The following LMF1 variants were observed in gnomAD, a reference collection of about 807,000 sequenced individuals.
LMF1 encodes lipase maturation factor 1.
Under a neutral mutation model 60.6 loss-of-function variants are expected in LMF1, and 68 were observed. The ratio of observed to expected loss-of-function variants is 1.12; its 90% CI spans 0.92 to 1.37. The LOEUF (loss-of-function observed/expected upper bound fraction) is 1.37. Ranked by LOEUF, LMF1 falls within the 40% of genes most tolerant of loss-of-function variation. The pLI, the probability that LMF1 is intolerant of heterozygous loss-of-function variation, is 0.00. For synonymous variants in LMF1, 418 were observed against 324.7 expected (o/e 1.29, Z -3.09); for missense variants, 948 against 767.2 (o/e 1.24, Z -2.78).
intron 10 of LMF1, chr16:855,063 G>C (rs1466204863): frequency 2.7e-6 from 1 of 366,356 alleles, no homozygotes; most frequent in East Asian, 5.9e-5. Flanking sequence ...CCCAGTTTGA[G>C]CCCCAAGTGT....
At chr16:964,663 A>G (rs1222418463) in intron 1 of LMF1, among the ~76,000 whole-genome samples, 3 of 152,236 alleles carry the variant, frequency 2.0e-5, no homozygotes, top group Non-Finnish European at 4.4e-5. Flanking sequence ...AAACCAACTG[A>G]GCAGGGTTTC....
At chr16:890,202 C>T (rs117955225) in intron 5 of LMF1, among the ~76,000 whole-genome samples, 2,293 of 152,296 alleles carry the variant, frequency 0.015, 51 homozygotes, top group East Asian at 0.1. Context: ...AGAGCCGTGT[C>T]ACGGCGGTCC....
intron 10 of LMF1, among the ~76,000 whole-genome samples, chr16:861,657 C>T (rs1441110540): frequency 1.3e-5 from 2 of 152,088 alleles, no homozygotes; most frequent in Non-Finnish European, 2.9e-5. Context: ...CGCCCGGCCT[C>T]GCTTCATAAT....
chr16:870,154 C>A (rs1405689056), intron 8 of LMF1, 88 bp from the exon 9 acceptor site: 1 of 1,422,858 alleles, frequency 7.0e-7, no homozygotes, highest in Non-Finnish European at 9.5e-7. Context: ...CCCCGACTGT[C>A]CATCCTGGCC....
chr16:875,455 T>G (rs1226209122), intron 6 of LMF1, among the ~76,000 whole-genome samples: 1 of 152,152 alleles, frequency 6.6e-6, no homozygotes, highest in African/African-American at 2.4e-5. Flanking sequence ...CACCTCCCCA[T>G]TCCATGTCAC....
Position 893,081 on chromosome 16 carries a change from A to T in LMF1, c.664-9T>A. On this transcript the variant is annotated splice_polypyrimidine_tract_variant and intron_variant, in intron 4 of 10. Transcript: ENST00000262301. ...CGGATCTTGATCAGGCCCTGCAAGG[A>T]AGAGAGCAGAGGGAGAGTCAGTCAC... The T allele has an allele frequency of 6.4e-7, 1 of 1,553,082 alleles. No homozygotes were observed. Among genetic ancestry groups the T allele is most frequent in the South Asian group, 1.2e-5 (1 of 84,150 alleles).
At chr16:903,741 T>C (rs79443215) in intron 4 of LMF1, 65 of 87,830 alleles carry the variant, frequency 7.4e-4, no homozygotes, top group African/African-American at 1.8e-3. Context: ...GTGGTGACCT[T>C]TGCACTGCCC....
intron 4 of LMF1, among the ~76,000 whole-genome samples, chr16:895,146 C>T (rs745931491): frequency 2.6e-5 from 4 of 152,148 alleles, no homozygotes; most frequent in African/African-American, 4.8e-5. Context: ...CTCCAGACGG[C>T]GGGGGGTGCG....
intron 6 of LMF1, chr16:872,605 G>C (rs1172916200): frequency 2.0e-5 from 3 of 152,380 alleles, no homozygotes; most frequent in African/African-American, 7.2e-5. Flanking sequence ...CCTCCGTCCT[G>C]AGTGTGACCA....
At chr16:912,700 C>A (rs972882232) in intron 3 of LMF1, among the ~76,000 whole-genome samples, 6 of 152,216 alleles carry the variant, frequency 3.9e-5, no homozygotes, top group South Asian at 2.1e-4. Flanking sequence ...ATCTTCCCCA[C>A]GGAAGCCAGA....
At chr16:949,400 GAGTCAGCCAACAAC>G (rs1405965723) in intron 2 of LMF1, among the ~76,000 whole-genome samples, 2 of 150,168 alleles carry the variant, frequency 1.3e-5, no homozygotes, top group Non-Finnish European at 3.0e-5. Flanking sequence ...GACAACGACA[GAGTCAGCCAACAAC>G]AGTCAGCCAA....
chr16:963,752 A>G (rs2072864930), intron 1 of LMF1, among the ~76,000 whole-genome samples: 1 of 152,162 alleles, frequency 6.6e-6, no homozygotes, highest in Non-Finnish European at 1.5e-5. Flanking sequence ...GGCCTCACCA[A>G]AGCAATAGCC....
At chr16:978,725 T>A (rs1354996796) in intron 1 of LMF1, among the ~76,000 whole-genome samples, 1 of 151,986 alleles carries the variant, frequency 6.6e-6, no homozygotes, top group African/African-American at 2.4e-5. Context: ...AGGCCCCAGC[T>A]GAAGGGGTGG....
At chr16:949,122 C>CAG (rs2072353890) in intron 2 of LMF1, among the ~76,000 whole-genome samples, 1 of 150,662 alleles carries the variant, frequency 6.6e-6, no homozygotes, top group Non-Finnish European at 1.5e-5. Flanking sequence ...ATGACAGAGT[C>CAG]AGCCAACGAC....
At chr16:928,112 G>T (rs1208541720) in intron 3 of LMF1, among the ~76,000 whole-genome samples, 1 of 152,210 alleles carries the variant, frequency 6.6e-6, no homozygotes, top group Non-Finnish European at 1.5e-5. Context: ...ACCCAACGCT[G>T]GGACAGCCTG....
At chr16:971,372 T>C (rs547689888), upstream of LMF1, among the ~76,000 whole-genome samples, 80 of 152,362 alleles carry the variant, frequency 5.3e-4, no homozygotes, top group Non-Finnish European at 1.0e-3. Flanking sequence ...GAAGGTGGGC[T>C]GCACAGGCCC....
In LMF1 at chr16:854,119, G is replaced by A; in HGVS notation, c.*413C>T. On this transcript the variant is annotated 3_prime_UTR_variant, in exon 11 of 11. Transcript: ENST00000262301. The stretch of plus-strand genomic sequence containing the variant: ...CTGGCTGGGAACACACCATTGAAGA[G>A]GGAACAGAAACCAGGCCCTGGGACG... 2 of 463,432 alleles carry A rather than the reference G, an allele frequency of 4.3e-6. No individual in the cohort carries two copies. The highest frequency in any genetic ancestry group is 3.1e-5 in the South Asian group (2 of 64,538). 28.7% of individuals were successfully genotyped at this position (463,432 alleles called of 1,614,324 possible).
At chr16:963,924 T>A (rs2072868783) in intron 1 of LMF1, 2 of 404,376 alleles carry the variant, frequency 4.9e-6, no homozygotes. Context: ...TCTTGAAACA[T>A]CACAGGCTCT....
intron 10 of LMF1, among the ~76,000 whole-genome samples, chr16:860,533 G>C (rs1360981626): frequency 6.6e-6 from 1 of 152,030 alleles, no homozygotes; most frequent in African/African-American, 2.4e-5. Flanking sequence ...TAGAGACGGG[G>C]TTTTGCCACG....
Sources: allele counts gnomAD v4.1 joint callset (sites outside exome capture counted in the v4.1 genomes callset), GRCh38; gene constraint gnomAD v4.1.1; transcripts MANE v1.5; gene names NCBI Gene and HGNC (gene_info 2026-07-23, HGNC 2026-07-21).